MAEL: variants seen among roughly 807,000 people sequenced by gnomAD.
MAEL encodes the protein maelstrom spermatogenic transposon silencer.
In MAEL, 46 loss-of-function variants were observed where a neutral mutation model predicts 62.0. The ratio of observed to expected loss-of-function variants is 0.74; its 90% CI spans 0.59 to 0.95. The LOEUF (loss-of-function observed/expected upper bound fraction) is 0.95, where lower values mean the gene tolerates loss of function less well. Ranked by LOEUF, MAEL falls within the 40% of genes least tolerant of loss-of-function variation. The pLI is 0.00. For missense variants in MAEL, 497 were observed against 526.8 expected, an observed-to-expected ratio of 0.94 and a Z score of 0.55; for synonymous variants, 172 against 175.5, an observed-to-expected ratio of 0.98 and a Z score of 0.16.
chr1:166,989,782 G>A lies in MAEL; in HGVS notation c.178G>A (p.Glu60Lys), dbSNP rs199731527. The A allele has an allele frequency of 5.2e-5, 84 of 1,613,922 alleles. No homozygotes were observed. Among genetic ancestry groups the A allele is most frequent in the Non-Finnish European group, 5.6e-5 (66 of 1,180,004 alleles). Residue 60 changes from glutamate to lysine, a missense_variant, in exon 2 of 12, where the codon GAA becomes AAA. Physicochemically the swap from Glu to Lys is moderately conservative, Grantham distance 56. Transcript: ENST00000367872. ...GGAGAAATACGCAGAAATGGCTCGA[G>A]AATGGAGGGCCGCTCAGGGAAAGGA... ...EKEKYAEMAR[E>K]WRAAQGKDPG... is the part of the protein sequence containing the mutation.
At chr1:167,013,670 G>T (rs1178653590) in intron 8 of MAEL, among the ~76,000 whole-genome samples, 1 of 152,072 alleles carries the variant, frequency 6.6e-6, no homozygotes, top group East Asian at 1.9e-4. Context: ...TCATGTTGCA[G>T]GCTTTTCTTG....
Position 167,004,175 on chromosome 1 carries a change from C to G in MAEL, c.524-5C>G. On this transcript the variant is annotated splice_region_variant and splice_polypyrimidine_tract_variant and intron_variant, in intron 5 of 11. Coordinates refer to ENST00000367872, the MANE Select transcript of MAEL (RefSeq NM_032858.3). Reference sequence around the variant, plus strand: ...GTTTGAACTTCTCCTTTTTATTTCCCTCAGGTGATTCTAGTCACAAGATTC... The same window carrying G: ...GTTTGAACTTCTCCTTTTTATTTCCGTCAGGTGATTCTAGTCACAAGATTC... 1.2e-6 allele frequency: 2 copies of G among 1,602,810 alleles called. No homozygotes were observed. The highest frequency in any genetic ancestry group is 2.3e-5 in the South Asian group (2 of 88,312).
At chr1:166,986,429 G>A (rs544191273), upstream of MAEL, among the ~76,000 whole-genome samples, 39 of 152,306 alleles carry the variant, frequency 2.6e-4, no homozygotes, top group South Asian at 8.3e-4. Flanking sequence ...ACGGTGGTGC[G>A]TGGAGTGAGA....
intron 1 of MAEL, chr1:166,975,756 G>C (rs1333349151): frequency 1.3e-5 from 2 of 152,110 alleles, no homozygotes; most frequent in South Asian, 2.1e-4. Flanking sequence ...CCCGCGGGCC[G>C]CGCCGAGCGG....
chr1:166,989,438 T>G lies in MAEL; in HGVS notation c.86T>G (p.Val29Gly). 6.3e-7 allele frequency: 1 copy of G among 1,592,626 alleles called. No homozygotes were observed. The highest frequency in any genetic ancestry group is 8.5e-7 in the Non-Finnish European group (1 of 1,169,914). The change falls in exon 1 of 12, where the codon GTG (valine) becomes GGG (glycine). Residue 29 changes from valine to glycine, a missense_variant. Transcript: ENST00000367872. ...IPELRRRGLP[V>G]ARVADAIPYC... The stretch of plus-strand genomic sequence containing the variant: ...GAACTACGGCGACGAGGCCTGCCTG[T>G]GGCTCGCGTTGCTGATGCCATCCCT...
chr1:167,021,025 C>G, intron 10 of MAEL, 60 bp from the exon 11 acceptor site: 1 of 1,174,418 alleles, frequency 8.5e-7, no homozygotes. Flanking sequence ...GAAGACAGAC[C>G]ATCCAGTAAT....
upstream of MAEL, among the ~76,000 whole-genome samples, chr1:166,988,865 C>T (rs1466291362): frequency 6.6e-6 from 1 of 152,142 alleles, no homozygotes; most frequent in Non-Finnish European, 1.5e-5. Flanking sequence ...GTCATCCTCT[C>T]CCCTCATTCG....
At chr1:167,006,723 C>T (rs1270962059) in intron 8 of MAEL, among the ~76,000 whole-genome samples, 1 of 149,574 alleles carries the variant, frequency 6.7e-6, no homozygotes, top group Non-Finnish European at 1.5e-5. Context: ...GCACCCTCCA[C>T]CTCCCAGGTT....
Position 167,021,806 on chromosome 1 carries a change from C to T in MAEL, c.1256C>T (p.Pro419Leu), listed in dbSNP as rs371442590. Residue 419 changes from proline (P) to leucine (L), a missense_variant, in exon 12 of 12, where the codon CCT becomes CTT. Pro to Leu is a moderately conservative substitution (Grantham distance 98). Transcript: ENST00000367872. Reference protein sequence around the residue: ...KFSNCDTSLSPYMSQKDGYKS... With the variant: ...KFSNCDTSLSLYMSQKDGYKS... ...TCCAACTGTGACACTTCACTCTCAC[C>T]TTACATGTCCCAAAAAGATGGATAC... is the stretch of plus-strand genomic sequence containing the variant. 5 of 1,611,886 alleles carry T rather than the reference C, an allele frequency of 3.1e-6. No homozygotes were observed. Among genetic ancestry groups the T allele is most frequent in the Non-Finnish European group, 4.2e-6 (5 of 1,178,626 alleles).
At position 167,006,601 on chromosome 1, in the gene MAEL, C is replaced by A. The variant is rs1217696870; in HGVS notation, c.845+1204C>A. ...CTATTGGAAAGTTACTGGTTTTTTA[C>A]TATATATATATATATATATATATAT... On this transcript the variant is annotated intron_variant, in intron 8 of 11. Transcript: ENST00000367872. Among the ~76,000 whole-genome samples the A allele has an allele frequency of 1.7e-3, 167 of 98,066 alleles. 1 individual carries two copies. Among genetic ancestry groups the A allele is most frequent in the Non-Finnish European group, 2.9e-3 (141 of 48,518 alleles). The allele number at this position is 98,066 out of a possible 152,430, so 64.3% of individuals were successfully genotyped here. A position where few individuals can be genotyped will look rare whatever the true frequency, so the allele number is the denominator to read the frequency against.
At chr1:167,020,193 T>C (rs1665565213) in intron 10 of MAEL, among the ~76,000 whole-genome samples, 4 of 152,156 alleles carry the variant, frequency 2.6e-5, no homozygotes, top group Non-Finnish European at 5.9e-5. Flanking sequence ...TAGACTCATG[T>C]CTCCTCCTTT....
Position 167,017,979 on chromosome 1 carries a change from G to A in MAEL, c.1041+20G>A, listed in dbSNP as rs777852586. On this transcript the variant is annotated intron_variant, in intron 10 of 11. Transcript: ENST00000367872. ...TACCAGGTAAGGAACTGACTTTTAA[G>A]AGCTGCTGGTCTCTTTAGCTGTTCT... The A allele has an allele frequency of 6.0e-5, 96 of 1,611,060 alleles. 2 individuals are homozygous for A. In the Middle Eastern group the frequency reaches 9.9e-4, roughly 17 times the overall value.
Position 167,021,842 on chromosome 1 carries a change from C to T in MAEL, c.1292C>T (p.Ser431Phe). 6.2e-7 allele frequency: 1 copy of T among 1,603,940 alleles called. No homozygotes were observed. The highest frequency in any genetic ancestry group is 8.5e-7 in the Non-Finnish European group (1 of 1,173,514). ...MSQKDGYKSF[S>F]SLS ...CAAAAAGATGGATACAAATCTTTCT[C>T]TTCCTTATCTTAATGATGGTACTCT... The change falls in exon 12 of 12, where the codon TCT (serine) becomes TTT (phenylalanine). Residue 431 changes from serine (S) to phenylalanine (F), a missense_variant. Coordinates refer to ENST00000367872, the MANE Select transcript of MAEL (RefSeq NM_032858.3).
chr1:166,989,894 T>C (rs1268701311), intron 2 of MAEL, 65 bp downstream of exon 2: 1 of 1,175,978 alleles, frequency 8.5e-7, no homozygotes, highest in African/African-American at 1.5e-5. Flanking sequence ...AAAGGCTGGA[T>C]GAGTGAATGA....
chr1:167,012,092 C>T (rs1665192211), intron 8 of MAEL, among the ~76,000 whole-genome samples: 1 of 152,072 alleles, frequency 6.6e-6, no homozygotes, highest in Non-Finnish European at 1.5e-5. Context: ...TGATATTTTA[C>T]AAGGGAGTTT....
chr1:166,996,817 TC>T (rs1557976276), intron 5 of MAEL, among the ~76,000 whole-genome samples: 1 of 152,240 alleles, frequency 6.6e-6, no homozygotes, highest in Non-Finnish European at 1.5e-5. Flanking sequence ...ATCTTTGGGC[TC>T]CCGTGGGCCA....
intron 5 of MAEL, among the ~76,000 whole-genome samples, chr1:167,000,466 TA>T (rs1301445677): frequency 6.6e-6 from 1 of 152,126 alleles, no homozygotes; most frequent in Non-Finnish European, 1.5e-5. Context: ...GGTGAGAAAA[TA>T]AACTAGTTGC....
chr1:166,989,253 C>A, upstream of MAEL: 1 of 1,442,892 alleles, frequency 6.9e-7, no homozygotes, highest in Non-Finnish European at 9.3e-7. Flanking sequence ...GAGTTGCGGG[C>A]TGCGTGCGCA....
In MAEL at chr1:166,995,690, A is replaced by T. The variant is rs531864825; in HGVS notation, c.523+1621A>T. 6.9e-3 allele frequency among the ~76,000 whole-genome samples: 1,024 copies of T among 147,792 alleles called. 14 individuals carry two copies. The highest frequency in any genetic ancestry group is 0.024 in the African/African-American group (972 of 40,050). On this transcript the variant is annotated intron_variant, in intron 5 of 11. Coordinates refer to ENST00000367872, the MANE Select transcript of MAEL (RefSeq NM_032858.3). ...TAGATGGCAGTTAAAAAAAAAAAATAAAAAAAAAATGGAAACTTAGCCGGT... is the reference window on the plus strand; with the variant it reads ...TAGATGGCAGTTAAAAAAAAAAAATTAAAAAAAAATGGAAACTTAGCCGGT...
Sources: allele counts gnomAD v4.1 joint callset (sites outside exome capture counted in the v4.1 genomes callset), GRCh38; gene constraint gnomAD v4.1.1; transcripts MANE v1.5; gene names NCBI Gene and HGNC (gene_info 2026-07-23, HGNC 2026-07-21).